The following ADGRA3 variants were observed in gnomAD, a reference collection of about 807,000 sequenced individuals.
The protein encoded by ADGRA3 is G-protein coupled receptor 125.
In ADGRA3, 56 loss-of-function variants were observed where a neutral mutation model predicts 119.8. The ratio of observed to expected loss-of-function variants is 0.47; its 90% CI spans 0.38 to 0.58. The LOEUF (loss-of-function observed/expected upper bound fraction) is 0.58. Ranked by LOEUF, ADGRA3 falls within the 20% of genes least tolerant of loss-of-function variation. The probability of loss-of-function intolerance (pLI) is 0.00; values close to 1 mark genes in which losing one functional copy is unlikely to be tolerated. For missense variants in ADGRA3, 1,516 were observed against 1,649.0 expected, an observed-to-expected ratio of 0.92 and a Z score of 1.40; for synonymous variants, 607 against 623.8, an observed-to-expected ratio of 0.97 and a Z score of 0.40.
chr4:22,400,552 G>C (rs1714586515), intron 16 of ADGRA3, among the ~76,000 whole-genome samples: 1 of 152,078 alleles, frequency 6.6e-6, no homozygotes, highest in South Asian at 2.1e-4. Flanking sequence ...GAAGAAAAAA[G>C]GGGTCGTTGT....
At chr4:22,498,028 G>A (rs139126642) in intron 1 of ADGRA3, among the ~76,000 whole-genome samples, 89 of 151,090 alleles carry the variant, frequency 5.9e-4, no homozygotes, top group African/African-American at 2.0e-3. Context: ...ATCATCTGGG[G>A]TCGGGAGTTC....
chr4:22,441,510 G>A (rs1425296336), intron 7 of ADGRA3, among the ~76,000 whole-genome samples: 4 of 152,140 alleles, frequency 2.6e-5, no homozygotes, highest in Non-Finnish European at 4.4e-5. Context: ...GTAACCATCT[G>A]AAATGTAACC....
intron 1 of ADGRA3, 58 bp from the exon 2 acceptor site, chr4:22,473,901 A>T: frequency 9.9e-7 from 1 of 1,010,230 alleles, no homozygotes; most frequent in East Asian, 2.4e-5. Context: ...TATCAAAGTA[A>T]TTTAGCTTAT....
intron 4 of ADGRA3, among the ~76,000 whole-genome samples, chr4:22,450,212 G>C (rs558376664): frequency 6.6e-6 from 1 of 150,992 alleles, no homozygotes; most frequent in African/African-American, 2.4e-5. Flanking sequence ...ATCACAATAA[G>C]CTCATAGAAT....
intron 14 of ADGRA3, among the ~76,000 whole-genome samples, chr4:22,410,138 GA>G (rs1715133563): frequency 6.7e-6 from 1 of 150,274 alleles, no homozygotes; most frequent in Non-Finnish European, 1.5e-5. Flanking sequence ...ACTAGAAAAA[GA>G]AAATTAATGA....
In ADGRA3 at chr4:22,425,114, A is replaced by C. The variant is rs961223989; in HGVS notation, c.1444-762T>G. ...AGGCAGGCAGGCAGGCATACTACCC[A>C]CCTCTTTAGTCTCTGCTCATATTCA... On this transcript the variant is annotated intron_variant, in intron 10 of 18. Transcript: ENST00000334304. Among the ~76,000 whole-genome samples, 37 of 148,544 alleles carry C rather than the reference A, an allele frequency of 2.5e-4. 1 individual carries two copies. Among genetic ancestry groups the C allele is most frequent in the African/African-American group, 8.9e-4 (36 of 40,408 alleles).
intron 1 of ADGRA3, among the ~76,000 whole-genome samples, chr4:22,498,191 G>A (rs1244053868): frequency 2.6e-5 from 4 of 152,048 alleles, no homozygotes; most frequent in Non-Finnish European, 5.9e-5. Flanking sequence ...GTTGCACAGT[G>A]AGCCGAGATC....
intron 16 of ADGRA3, among the ~76,000 whole-genome samples, chr4:22,399,630 A>G (rs6833226): frequency 0.81 from 122,824 of 151,924 alleles, 49,817 homozygotes; most frequent in East Asian, 0.98. Flanking sequence ...TCTGTTGTAC[A>G]TCAAAGTTCC....
At chr4:22,475,587 C>T (rs1718011150) in intron 1 of ADGRA3, among the ~76,000 whole-genome samples, 1 of 152,112 alleles carries the variant, frequency 6.6e-6, no homozygotes, top group South Asian at 2.1e-4. Flanking sequence ...ATTAGCCGGG[C>T]GTAGTGGTGG....
intron 1 of ADGRA3, among the ~76,000 whole-genome samples, chr4:22,482,911 C>T (rs553608119): frequency 2.6e-5 from 4 of 152,270 alleles, no homozygotes; most frequent in African/African-American, 9.6e-5. Context: ...CAGCCACAGA[C>T]GTCTAGAGGA....
chr4:22,445,885 T>C (rs7657579), intron 5 of ADGRA3, among the ~76,000 whole-genome samples: 125,180 of 152,254 alleles, frequency 0.82, 51,695 homozygotes, highest in Non-Finnish European at 0.86. Context: ...AGCTGAGATA[T>C]AAGCACAAAA....
chr4:22,429,761 T>C (rs1275717780), intron 10 of ADGRA3, among the ~76,000 whole-genome samples: 1 of 152,172 alleles, frequency 6.6e-6, no homozygotes, highest in Non-Finnish European at 1.5e-5. Flanking sequence ...AATTTTAAAA[T>C]GAGTCCCCCT....
At chr4:22,448,857 G>A (rs929582913) in intron 4 of ADGRA3, among the ~76,000 whole-genome samples, 3 of 152,212 alleles carry the variant, frequency 2.0e-5, no homozygotes, top group African/African-American at 2.4e-5. Flanking sequence ...CAAATTGAAA[G>A]GAGGAAAGGG....
At chr4:22,472,745 A>C (rs558399580) in intron 2 of ADGRA3, among the ~76,000 whole-genome samples, 2 of 152,308 alleles carry the variant, frequency 1.3e-5, no homozygotes, top group African/African-American at 4.8e-5. Flanking sequence ...AGTCAAGAAA[A>C]GGCCACGCAG....
chr4:22,388,786 A>G lies in ADGRA3; in HGVS notation c.2885T>C (p.Leu962Ser), dbSNP rs1242316288. The G allele has an allele frequency of 3.1e-6, 5 of 1,614,098 alleles. No homozygotes were observed. The highest frequency in any genetic ancestry group is 4.2e-6 in the Non-Finnish European group (5 of 1,179,996). Residue 962 changes from leucine (L) to serine (S), a missense_variant, in exon 19 of 19, where the codon TTG becomes TCG. Physicochemically the swap from Leu to Ser is moderately radical, Grantham distance 145. Coordinates refer to ENST00000334304, the MANE Select transcript of ADGRA3 (RefSeq NM_145290.4). ...LKEPTEEQQR[L>S]AANENGEINH... ...TATTTCGCCATTTTCATTGGCTGCC[A>G]ATCTCTGTTGCTCCTCCGTGGGCTC...
At chr4:22,430,477 C>G (rs987256451) in intron 10 of ADGRA3, among the ~76,000 whole-genome samples, 1 of 152,066 alleles carries the variant, frequency 6.6e-6, no homozygotes, top group Admixed American at 6.6e-5. Context: ...AGCATTCTGC[C>G]CCTGCTCTAG....
chr4:22,488,191 A>G (rs1474575185), intron 1 of ADGRA3, among the ~76,000 whole-genome samples: 1 of 152,146 alleles, frequency 6.6e-6, no homozygotes, highest in Non-Finnish European at 1.5e-5. Flanking sequence ...TCATCTGTGA[A>G]TTGTTTCATG....
intron 14 of ADGRA3, among the ~76,000 whole-genome samples, chr4:22,406,617 C>T (rs1356463513): frequency 1.3e-5 from 2 of 152,054 alleles, no homozygotes; most frequent in Non-Finnish European, 2.9e-5. Flanking sequence ...TTCAGAGTAT[C>T]TAGTCCGATC....
chr4:22,493,727 T>A (rs995502052), intron 1 of ADGRA3, among the ~76,000 whole-genome samples: 1 of 152,176 alleles, frequency 6.6e-6, no homozygotes, highest in Non-Finnish European at 1.5e-5. Flanking sequence ...AAGTCCATCT[T>A]GAATAGGAGC....
Sources: allele counts gnomAD v4.1 joint callset (sites outside exome capture counted in the v4.1 genomes callset), GRCh38; gene constraint gnomAD v4.1.1; transcripts MANE v1.5; gene names NCBI Gene and HGNC (gene_info 2026-07-23, HGNC 2026-07-21).